Variants in NELL1 observed in about 807,000 individuals in gnomAD.
NELL1 encodes the protein neural EGFL like 1, also known as protein kinase C-binding protein NELL1.
NELL1 carries 76 observed loss-of-function variants against 107.4 expected under a neutral mutation model. That is an observed-to-expected ratio of 0.71 (90% confidence interval 0.59 to 0.86). The LOEUF is 0.86. Ranked by LOEUF, NELL1 falls within the 40% of genes least tolerant of loss-of-function variation. The pLI is 0.00. For missense variants in NELL1, 1,024 were observed against 1,005.5 expected (o/e 1.02, Z -0.25); for synonymous variants, 353 against 341.2 (o/e 1.03, Z -0.38).
At chr11:21,082,628 T>C (rs143091983) in intron 12 of NELL1, among the ~76,000 whole-genome samples, 80 of 152,334 alleles carry the variant, frequency 5.3e-4, no homozygotes, top group African/African-American at 1.8e-3. Context: ...GATCTTGCTC[T>C]AGCATTTGAA....
At chr11:21,525,858 C>T (rs1855840253) in intron 15 of NELL1, among the ~76,000 whole-genome samples, 1 of 152,136 alleles carries the variant, frequency 6.6e-6, no homozygotes, top group African/African-American at 2.4e-5. Flanking sequence ...ATTTTATCTC[C>T]ACCTGGCCCC....
chr11:20,985,243 A>T (rs1429193982), intron 12 of NELL1, among the ~76,000 whole-genome samples: 2 of 152,216 alleles, frequency 1.3e-5, no homozygotes, highest in Non-Finnish European at 2.9e-5. Flanking sequence ...AATGAATTTT[A>T]AGGTAAAATT....
intron 12 of NELL1, among the ~76,000 whole-genome samples, chr11:20,971,189 T>C (rs1453128660): frequency 6.6e-6 from 1 of 152,130 alleles, no homozygotes; most frequent in East Asian, 1.9e-4. Flanking sequence ...CCTTACATTA[T>C]TTTTTAGTGA....
chr11:21,403,048 C>CA lies in NELL1; in HGVS notation c.1645+32100_1645+32101insA, dbSNP rs1457972418. Among the ~76,000 whole-genome samples the CA allele has an allele frequency of 9.2e-5, 14 of 151,660 alleles. 1 individual carries two copies. Among genetic ancestry groups the CA allele is most frequent in the African/African-American group, 3.4e-4 (14 of 41,218 alleles). On this transcript the variant is annotated intron_variant, in intron 15 of 19. Transcript: ENST00000357134. ...CATCAAGTAAAAGGTAGCTGACCTC[C>CA]TATGGAGGGCACTGTTTGCTGCTGA...
At position 21,181,243 on chromosome 11, in the gene NELL1, G is replaced by A. The variant is rs1042898100; in HGVS notation, c.1427-48089G>A. Among the ~76,000 whole-genome samples the A allele has an allele frequency of 5.9e-5, 9 of 151,826 alleles. No homozygotes were observed. In the South Asian group the frequency reaches 1.7e-3, roughly 28 times the overall value. On this transcript the variant is annotated intron_variant, in intron 13 of 19. Transcript: ENST00000357134. Reference sequence around the variant, plus strand: ...GGGGGAAAAGCAGATGAAATATTCAGGTTTAGGTTGATGCAAAAGTAATTG... The same window carrying A: ...GGGGGAAAAGCAGATGAAATATTCAAGTTTAGGTTGATGCAAAAGTAATTG...
In NELL1 at chr11:21,099,030, A is replaced by C. The variant is rs1437614720; in HGVS notation, c.1301-14559A>C. Among the ~76,000 whole-genome samples, 6 of 152,106 alleles carry C rather than the reference A, an allele frequency of 3.9e-5. No homozygotes were observed. The East Asian group carries it at 1.2e-3, about 29-fold the overall frequency. On this transcript the variant is annotated intron_variant, in intron 12 of 19. Coordinates refer to ENST00000357134, the MANE Select transcript of NELL1 (RefSeq NM_006157.5). ...AAAACTCGTTTCCTTTACCTAATGT[A>C]GGACGACCAATTCATCTTTGTTATC...
At chr11:21,355,976 T>A (rs1306090477) in intron 14 of NELL1, among the ~76,000 whole-genome samples, 1 of 152,136 alleles carries the variant, frequency 6.6e-6, no homozygotes, top group African/African-American at 2.4e-5. Flanking sequence ...GATAATTTCA[T>A]GGCTCACTCT....
chr11:21,123,911 C>T (rs184293381), intron 13 of NELL1, among the ~76,000 whole-genome samples: 1 of 152,236 alleles, frequency 6.6e-6, no homozygotes, highest in Non-Finnish European at 1.5e-5. Flanking sequence ...ATGGAAAAGT[C>T]TCATCATCTA....
intron 14 of NELL1, among the ~76,000 whole-genome samples, chr11:21,314,287 G>A (rs943110448): frequency 8.6e-5 from 13 of 151,904 alleles, no homozygotes; most frequent in Admixed American, 8.5e-4. Context: ...GTTACATTGG[G>A]GATTAAGTTT....
At chr11:21,284,335 A>G in intron 14 of NELL1, 1 of 457,290 alleles carries the variant, frequency 2.2e-6, no homozygotes, top group South Asian at 1.5e-5. Flanking sequence ...AGAGTGTGAA[A>G]GGAGTGACAG....
At chr11:20,975,927 A>ATGTACATATATGTGTACATATG (rs1564995654) in intron 12 of NELL1, among the ~76,000 whole-genome samples, 4 of 134,808 alleles carry the variant, frequency 3.0e-5, no homozygotes, top group Admixed American at 7.4e-5. Context: ...ACACACATAT[A>ATGTACATATATGTGTACATATG]TGTACATATA....
rs1457333872 is a variant in NELL1, at chr11:20,927,412, T to C, written c.864T>C (p.Asp288=). 3 of 1,611,768 alleles carry C rather than the reference T, an allele frequency of 1.9e-6. No individual in the cohort carries two copies. Among genetic ancestry groups the C allele is most frequent in the Admixed American group, 1.7e-5 (1 of 59,276 alleles). The change falls in exon 8 of 20, where the codon GAT becomes GAC. Residue 288 remains aspartate (D), a synonymous_variant. Transcript: ENST00000357134. ...LLYRDQDSWV[D]GDHCRNCTCK... is the part of the protein sequence containing the mutation. ...ATCGAGATCAAGACTCTTGGGTAGA[T>C]GGTGACCATTGCAGGAACTGCACTT...
intron 13 of NELL1, among the ~76,000 whole-genome samples, chr11:21,207,546 C>G (rs1464639606): frequency 6.6e-6 from 1 of 152,180 alleles, no homozygotes; most frequent in African/African-American, 2.4e-5. Flanking sequence ...GGGATAGTCT[C>G]TGCCATTTTT....
intron 13 of NELL1, among the ~76,000 whole-genome samples, chr11:21,185,542 G>A (rs61548303): frequency 0.098 from 14,871 of 151,532 alleles, 1,021 homozygotes; most frequent in African/African-American, 0.17. Context: ...TGATCCACCC[G>A]CCTCGGCCTC....
intron 15 of NELL1, among the ~76,000 whole-genome samples, chr11:21,445,328 T>G (rs1248278202): frequency 6.7e-6 from 1 of 150,252 alleles, no homozygotes; most frequent in African/African-American, 2.4e-5. Context: ...TTGTTTTTGT[T>G]TTTTTGGGTT....
At chr11:21,118,875 C>T (rs891153058) in intron 13 of NELL1, among the ~76,000 whole-genome samples, 2 of 151,808 alleles carry the variant, frequency 1.3e-5, no homozygotes, top group African/African-American at 4.8e-5. Context: ...TTCTATTCAA[C>T]CAAAAATAGG....
At chr11:21,453,707 C>A (rs560374786) in intron 15 of NELL1, among the ~76,000 whole-genome samples, 52 of 151,416 alleles carry the variant, frequency 3.4e-4, no homozygotes, top group African/African-American at 1.2e-3. Context: ...TTCTTCATTT[C>A]TTTTTCCCTT....
At chr11:20,934,494 C>T (rs1850682750) in intron 9 of NELL1, among the ~76,000 whole-genome samples, 1 of 152,144 alleles carries the variant, frequency 6.6e-6, no homozygotes, top group African/African-American at 2.4e-5. Flanking sequence ...GCATTTTTAT[C>T]TCCAGATTAG....
chr11:21,512,376 G>A (rs1188213656), intron 15 of NELL1, among the ~76,000 whole-genome samples: 1 of 152,154 alleles, frequency 6.6e-6, no homozygotes, highest in African/African-American at 2.4e-5. Flanking sequence ...ATGAAATCAT[G>A]TTATCAGGGA....
Sources: gnomAD v4.1 joint callset for allele counts (sites outside exome capture counted in the v4.1 genomes callset) on GRCh38, gnomAD v4.1.1 for gene constraint, MANE v1.5 for transcripts, NCBI Gene and HGNC (gene_info 2026-07-23, HGNC 2026-07-21) for gene names.